Variants in PTN observed in about 807,000 individuals in gnomAD.
PTN encodes the protein pleiotrophin, also known as heparin affin regulatory protein.
PTN carries 18 observed loss-of-function variants against 24.1 expected under a neutral mutation model. That is an observed-to-expected ratio of 0.75 (90% CI 0.52 to 1.11). The LOEUF is 1.11. Among genes scored for constraint, PTN ranks in the 50% least tolerant of loss-of-function variants. The pLI, the probability that PTN is intolerant of heterozygous loss-of-function variation, is 0.00. For synonymous variants in PTN, 78 were observed against 68.6 expected (o/e 1.14, Z -0.67); for missense variants, 163 against 198.8 (o/e 0.82, Z 1.08).
intron 1 of PTN, among the ~76,000 whole-genome samples, chr7:137,290,149 T>G (rs1809617250): frequency 6.6e-6 from 1 of 152,116 alleles, no homozygotes; most frequent in Non-Finnish European, 1.5e-5. Context: ...AAACTCCCCC[T>G]TTTAAAACTG....
At chr7:137,238,456 A>G (rs1023732919) in intron 4 of PTN, among the ~76,000 whole-genome samples, 2 of 152,250 alleles carry the variant, frequency 1.3e-5, no homozygotes, top group Non-Finnish European at 2.9e-5. Flanking sequence ...TACAAAGACA[A>G]GCTCAGGCCA....
At chr7:137,250,315 G>A (rs1395934726) in intron 4 of PTN, among the ~76,000 whole-genome samples, 2 of 152,134 alleles carry the variant, frequency 1.3e-5, no homozygotes, top group African/African-American at 2.4e-5. Context: ...TCTTCTGAAG[G>A]TTCTCCCTAT....
chr7:137,316,713 C>T (rs892871574), intron 1 of PTN, among the ~76,000 whole-genome samples: 2 of 152,142 alleles, frequency 1.3e-5, no homozygotes, highest in East Asian at 3.9e-4. Context: ...GAGAGGAAAG[C>T]CCTCCTGGGG....
In PTN at chr7:137,334,449, C is replaced by T. The variant is rs537732030; in HGVS notation, c.-2+8990G>A. Among the ~76,000 whole-genome samples, 216 of 87,036 alleles carry T rather than the reference C, an allele frequency of 2.5e-3. 1 individual carries two copies. The highest frequency in any genetic ancestry group is 8.0e-3 in the African/African-American group (198 of 24,694). 57.1% of individuals were successfully genotyped at this position (87,036 alleles called of 152,430 possible). ...CAAAAAACACATGAAAAAATGCTCACCATCACTGGCCATCAGAGAAATGCA... is the reference window on the plus strand; with the variant it reads ...CAAAAAACACATGAAAAAATGCTCATCATCACTGGCCATCAGAGAAATGCA... On this transcript the variant is annotated intron_variant, in intron 1 of 4. Transcript: ENST00000348225.
intron 4 of PTN, among the ~76,000 whole-genome samples, chr7:137,231,809 A>G (rs541929361): frequency 1.3e-5 from 2 of 152,090 alleles, no homozygotes; most frequent in South Asian, 2.1e-4. Context: ...ACTTACAAAC[A>G]TACGTATATG....
chr7:137,275,376 T>C (rs1164670269), intron 1 of PTN, among the ~76,000 whole-genome samples: 1 of 152,180 alleles, frequency 6.6e-6, no homozygotes, highest in Admixed American at 6.5e-5. Flanking sequence ...TTATCATTAG[T>C]ATCAGCAACT....
intron 4 of PTN, among the ~76,000 whole-genome samples, chr7:137,234,786 C>T (rs749857739): frequency 2.0e-5 from 3 of 151,966 alleles, no homozygotes; most frequent in Non-Finnish European, 2.9e-5. Context: ...AGATGGCCTG[C>T]TGTGTATACA....
chr7:137,320,428 T>C (rs1020031869), intron 1 of PTN, among the ~76,000 whole-genome samples: 3 of 152,224 alleles, frequency 2.0e-5, no homozygotes, highest in African/African-American at 7.2e-5. Flanking sequence ...TTCACACTTC[T>C]AGGAAATTTA....
At chr7:137,316,358 T>A (rs1033531384) in intron 1 of PTN, among the ~76,000 whole-genome samples, 15 of 152,164 alleles carry the variant, frequency 9.9e-5, no homozygotes, top group African/African-American at 3.6e-4. Context: ...ACACCTCATT[T>A]TCTACCCCGA....
intron 1 of PTN, among the ~76,000 whole-genome samples, chr7:137,327,169 A>G (rs1474529885): frequency 6.6e-6 from 1 of 152,190 alleles, no homozygotes. Context: ...TTTCAAACCT[A>G]ACTGATTCTC....
chr7:137,261,458 T>C (rs1449536290), intron 1 of PTN, among the ~76,000 whole-genome samples: 2 of 152,214 alleles, frequency 1.3e-5, no homozygotes, highest in African/African-American at 2.4e-5. Flanking sequence ...TGATTTTACA[T>C]AGATGATCTC....
chr7:137,293,323 G>C lies in PTN; in HGVS notation c.-1-38349C>G, dbSNP rs564520189. Among the ~76,000 whole-genome samples, 18 of 152,250 alleles carry C rather than the reference G, an allele frequency of 1.2e-4. No individual in the cohort carries two copies. The East Asian group carries it at 3.1e-3, about 26-fold the overall frequency. On this transcript the variant is annotated intron_variant, in intron 1 of 4. Transcript: ENST00000348225. ...ACGGGATGAGACACAGGTGATTGAA[G>C]CTAGTGTGCGCGCATAAGGGGTAGC...
intron 1 of PTN, among the ~76,000 whole-genome samples, chr7:137,294,174 ATTG>A: frequency 6.6e-6 from 1 of 152,010 alleles, no homozygotes; most frequent in Admixed American, 6.5e-5. Flanking sequence ...TCTTTTTATT[ATTG>A]TTGTTGTTAT....
At chr7:137,333,308 T>C (rs944225419) in intron 1 of PTN, among the ~76,000 whole-genome samples, 1 of 152,204 alleles carries the variant, frequency 6.6e-6, no homozygotes, top group African/African-American at 2.4e-5. Context: ...CCAAATAAAC[T>C]TTTTTCTTTA....
chr7:137,277,414 A>C (rs952917882), intron 1 of PTN, among the ~76,000 whole-genome samples: 1 of 152,240 alleles, frequency 6.6e-6, no homozygotes, highest in African/African-American at 2.4e-5. Context: ...ACTTTTCCCA[A>C]GAAAAATGAA....
intron 4 of PTN, among the ~76,000 whole-genome samples, chr7:137,238,195 T>A (rs1353062218): frequency 6.6e-6 from 1 of 152,150 alleles, no homozygotes; most frequent in East Asian, 1.9e-4. Flanking sequence ...GTGTGCCAAG[T>A]GTCCCCACCA....
intron 1 of PTN, among the ~76,000 whole-genome samples, chr7:137,333,636 A>G (rs1015017517): frequency 6.6e-6 from 1 of 152,212 alleles, no homozygotes; most frequent in African/African-American, 2.4e-5. Flanking sequence ...TAAATATATT[A>G]CATATATCTT....
intron 1 of PTN, among the ~76,000 whole-genome samples, chr7:137,324,433 A>AAAAAAAAAAAAAAATATAT: frequency 4.5e-5 from 4 of 88,762 alleles, no homozygotes; most frequent in African/African-American, 2.8e-4. Flanking sequence ...AAAAAAAAAA[A>AAAAAAAAAAAAAAATATAT]ATATATATAT....
intron 1 of PTN, among the ~76,000 whole-genome samples, chr7:137,322,222 C>A (rs10251438): frequency 0.39 from 59,843 of 152,108 alleles, 13,067 homozygotes; most frequent in South Asian, 0.54. Flanking sequence ...GTGTTTACTC[C>A]TGTGCTATCA....
Sources: allele counts gnomAD v4.1 joint callset (sites outside exome capture counted in the v4.1 genomes callset), GRCh38; gene constraint gnomAD v4.1.1; transcripts MANE v1.5; gene names NCBI Gene and HGNC (gene_info 2026-07-23, HGNC 2026-07-21).